BEND4: variants seen among roughly 807,000 people sequenced by gnomAD.
The protein encoded by BEND4 is BEN domain-containing protein 4.
BEND4 carries 27 observed loss-of-function variants against 54.7 expected under a neutral mutation model. The observed-to-expected ratio is 0.49, with a 90% confidence interval of 0.36 to 0.68. The LOEUF (loss-of-function observed/expected upper bound fraction) is 0.68. Ranked by LOEUF, BEND4 falls within the 30% of genes least tolerant of loss-of-function variation. BEND4 has a pLI of 0.00. For missense variants in BEND4, 702 were observed against 697.2 expected, an observed-to-expected ratio of 1.01 and a Z score of -0.08; for synonymous variants, 327 against 299.5, an observed-to-expected ratio of 1.09 and a Z score of -0.95.
intron 3 of BEND4, among the ~76,000 whole-genome samples, chr4:42,131,585 T>C (rs999051036): frequency 2.6e-5 from 4 of 152,218 alleles, no homozygotes; most frequent in African/African-American, 9.6e-5. Context: ...TGGCTCTTTC[T>C]TTCTTTCCAT....
At chr4:42,144,495 T>G (rs1721008411) in intron 2 of BEND4, among the ~76,000 whole-genome samples, 1 of 152,206 alleles carries the variant, frequency 6.6e-6, no homozygotes, top group Admixed American at 6.5e-5. Flanking sequence ...GGAAGAAAGA[T>G]AAGTCTTTTT....
Position 42,147,481 on chromosome 4 carries a change from CTTTTTTTT to C in BEND4, c.488-3495_488-3488del, listed in dbSNP as rs71664398. On this transcript the variant is annotated intron_variant, in intron 2 of 5. Transcript: ENST00000502486. Reference sequence around the variant, plus strand: ...TGAACACGTATTATGATTTTTTTAACTTTTTTTTTTTTTTTTTTTGTTAAGTCATAGAA... The same window carrying C: ...TGAACACGTATTATGATTTTTTTAACTTTTTTTTTTTGTTAAGTCATAGAA... 5.5e-3 allele frequency among the ~76,000 whole-genome samples: 723 copies of C among 131,952 alleles called. 6 individuals carry two copies. The highest frequency in any genetic ancestry group is 0.02 in the African/African-American group (701 of 35,508). 86.6% of individuals were successfully genotyped at this position (131,952 alleles called of 152,430 possible). A position where few individuals can be genotyped will look rare whatever the true frequency, so the allele number is the denominator to read the frequency against.
In BEND4 at chr4:42,133,637, G is replaced by A. The variant is rs140359384; in HGVS notation, c.1055-7963C>T. On this transcript the variant is annotated intron_variant, in intron 3 of 5. Transcript: ENST00000502486. ...TGGGATGCTGAGGCGGGTAGATCAC[G>A]TGGTCAGGAGATCGAGACCATCCTG... Among the ~76,000 whole-genome samples the A allele has an allele frequency of 4.4e-3, 663 of 152,256 alleles. 5 individuals carry two copies. Among genetic ancestry groups the A allele is most frequent in the Admixed American group, 0.01 (158 of 15,298 alleles).
intron 3 of BEND4, among the ~76,000 whole-genome samples, chr4:42,132,176 G>A (rs1006397429): frequency 4.6e-5 from 7 of 152,216 alleles, no homozygotes; most frequent in Admixed American, 6.5e-5. Context: ...CGTGTCCCTC[G>A]GTTCTGTTAA....
intron 2 of BEND4, among the ~76,000 whole-genome samples, chr4:42,148,841 G>A (rs1257109524): frequency 6.6e-6 from 1 of 152,134 alleles, no homozygotes; most frequent in African/African-American, 2.4e-5. Flanking sequence ...CAAGATCTAC[G>A]TGGGTTTTAA....
At chr4:42,135,708 G>T (rs1720674533) in intron 3 of BEND4, among the ~76,000 whole-genome samples, 1 of 152,174 alleles carries the variant, frequency 6.6e-6, no homozygotes, top group Admixed American at 6.5e-5. Flanking sequence ...CCGGGAGGCA[G>T]AGCTTGCAGT....
chr4:42,151,514 C>A (rs944666411), intron 2 of BEND4, 143 bp downstream of exon 2: 6 of 838,750 alleles, frequency 7.2e-6, no homozygotes, highest in Non-Finnish European at 9.8e-6. Context: ...TTTCCGGGTG[C>A]GCGGGGAGGC....
At position 42,117,577 on chromosome 4, in the gene BEND4, G is replaced by A. The variant is rs1442291373; in HGVS notation, c.1546C>T (p.His516Tyr). ...NGGSFYEGID[H>Y]QASQDEVFNK... ...AAGACTTCATCCTGAGAAGCCTGGT[G>A]ATCGATCCCTTCATAAAATGAGCCA... Residue 516 changes from histidine to tyrosine, a missense_variant, in exon 6 of 6, where the codon CAC (histidine) becomes TAC (tyrosine). Transcript: ENST00000502486. The A allele has an allele frequency of 6.2e-7, 1 of 1,613,170 alleles. No homozygotes were observed. The highest frequency in any genetic ancestry group is 8.5e-7 in the Non-Finnish European group (1 of 1,179,576).
rs1032892254 is a variant in BEND4 at position 42,112,149 on chromosome 4, G to A, written c.*5369C>T. The A allele has an allele frequency of 6.6e-6, 1 of 152,188 alleles. No individual in the cohort carries two copies. Among genetic ancestry groups the A allele is most frequent in the Non-Finnish European group, 1.5e-5 (1 of 68,054 alleles). The allele number at this position is 152,188 out of a possible 1,614,324, so 9.4% of individuals were successfully genotyped here. A position where few individuals can be genotyped will look rare whatever the true frequency, so the allele number is the denominator to read the frequency against. ...CTTTGAGAACTGTGCTCCAACTACTGAGGAAGACTGAACTCGTCATTCTGC... is the reference window on the plus strand; with the variant it reads ...CTTTGAGAACTGTGCTCCAACTACTAAGGAAGACTGAACTCGTCATTCTGC... On this transcript the variant is annotated 3_prime_UTR_variant, in exon 6 of 6. Transcript: ENST00000502486.
Position 42,145,132 on chromosome 4 carries a change from T to A in BEND4, c.488-1138A>T, listed in dbSNP as rs537751553. Among the ~76,000 whole-genome samples, 5 of 152,272 alleles carry A rather than the reference T, an allele frequency of 3.3e-5. No individual in the cohort carries two copies. In the South Asian group the frequency reaches 8.3e-4, roughly 25 times the overall value. ...TCTCTGAAAATGTTGACTAGCTGCA[T>A]TTTTTTCTGGAGGAAAGAAAACTTT... On this transcript the variant is annotated intron_variant, in intron 2 of 5. Transcript: ENST00000502486.
intron 3 of BEND4, 48 bp downstream of exon 3, chr4:42,143,380 G>A (rs1057323122): frequency 2.1e-6 from 3 of 1,416,982 alleles, no homozygotes; most frequent in Non-Finnish European, 2.9e-6. Context: ...TGAGACAAGT[G>A]AAAGAAAGAA....
At chr4:42,145,107 T>G (rs568684335) in intron 2 of BEND4, among the ~76,000 whole-genome samples, 1 of 152,318 alleles carries the variant, frequency 6.6e-6, no homozygotes, top group South Asian at 2.1e-4. Context: ...GCACTAGCTC[T>G]CTCTGAAAAT....
chr4:42,127,970 C>T (rs544710897), intron 3 of BEND4, among the ~76,000 whole-genome samples: 2 of 152,056 alleles, frequency 1.3e-5, no homozygotes, highest in East Asian at 3.9e-4. Flanking sequence ...TGAGACTAGC[C>T]TCGGAAACAC....
chr4:42,121,224 T>C (rs779991431), intron 4 of BEND4, among the ~76,000 whole-genome samples: 12 of 152,178 alleles, frequency 7.9e-5, no homozygotes, highest in Non-Finnish European at 1.3e-4. Context: ...ACCATTTGGA[T>C]CTGATAGGGT....
Position 42,143,614 on chromosome 4 carries a change from A to G in BEND4, c.868T>C (p.Leu290=), listed in dbSNP as rs748298968. The G allele has an allele frequency of 6.2e-7, 1 of 1,608,390 alleles. No individual in the cohort carries two copies. Among genetic ancestry groups the G allele is most frequent in the South Asian group, 1.1e-5 (1 of 89,770 alleles). Reference sequence around the variant, plus strand: ...GTTGCTGGGGAAGTCCAGCCACCTAATGTATGCACAGGAGAGGTTGACAGA... The same window carrying G: ...GTTGCTGGGGAAGTCCAGCCACCTAGTGTATGCACAGGAGAGGTTGACAGA... ...DPLSTSPVHT[L]GGWTSPATSE... Residue 290 remains leucine (L), a synonymous_variant, in exon 3 of 6, where the codon TTA becomes CTA. Transcript: ENST00000502486.
In BEND4 at chr4:42,152,235, G is replaced by A. The variant is rs1721330392; in HGVS notation, c.-92C>T. The A allele has an allele frequency of 8.5e-6, 10 of 1,177,514 alleles. No homozygotes were observed. Among genetic ancestry groups the A allele is most frequent in the Non-Finnish European group, 9.6e-6 (9 of 938,694 alleles). The allele number at this position is 1,177,514 out of a possible 1,614,324, so 72.9% of individuals were successfully genotyped here. Reference sequence around the variant, plus strand: ...CCTCCGCCGCCTGCCCGCCGGGTCTGCCCTGGTGCGCGCGTGTGGGAGGGT... The same window carrying A: ...CCTCCGCCGCCTGCCCGCCGGGTCTACCCTGGTGCGCGCGTGTGGGAGGGT... On this transcript the variant is annotated 5_prime_UTR_variant, in exon 2 of 6. Transcript: ENST00000502486.
chr4:42,151,622 G>A, intron 2 of BEND4, 35 bp downstream of exon 2: 1 of 1,438,080 alleles, frequency 7.0e-7, no homozygotes, highest in Non-Finnish European at 9.1e-7. Context: ...GCCCCCGGCC[G>A]TGGCGGGAAG....
chr4:42,142,812 G>A (rs991178373), intron 3 of BEND4, among the ~76,000 whole-genome samples: 4 of 152,030 alleles, frequency 2.6e-5, no homozygotes, highest in Non-Finnish European at 5.9e-5. Flanking sequence ...GTTTGGGGCC[G>A]GCTTAATTAC....
chr4:42,127,971 T>A (rs1199782731), intron 3 of BEND4, among the ~76,000 whole-genome samples: 1 of 151,948 alleles, frequency 6.6e-6, no homozygotes, highest in African/African-American at 2.4e-5. Flanking sequence ...GAGACTAGCC[T>A]CGGAAACACA....
Sources: allele counts gnomAD v4.1 joint callset (sites outside exome capture counted in the v4.1 genomes callset), GRCh38; gene constraint gnomAD v4.1.1; transcripts MANE v1.5; gene names NCBI Gene and HGNC (gene_info 2026-07-23, HGNC 2026-07-21).